Variants in GFOD2 observed in about 807,000 individuals in gnomAD.
GFOD2 encodes the protein glucose-fructose oxidoreductase domain-containing protein 2.
A neutral mutation model predicts 24.6 loss-of-function variants in GFOD2; 9 were observed. The ratio of observed to expected loss-of-function variants is 0.37; its 90% CI spans 0.22 to 0.64. GFOD2 has a LOEUF of 0.64. GFOD2 is among the 30% of genes least tolerant of loss of function. The pLI is 0.65. For missense variants in GFOD2, 476 were observed against 532.5 expected (o/e 0.89, Z 1.04); for synonymous variants, 211 against 224.8 (o/e 0.94, Z 0.55).
intron 1 of GFOD2, among the ~76,000 whole-genome samples, chr16:67,695,695 CT>C (rs2053353614): frequency 6.6e-6 from 1 of 151,884 alleles, no homozygotes; most frequent in African/African-American, 2.4e-5. Context: ...GCCACCATAC[CT>C]GGCTAATTTT....
intron 1 of GFOD2, among the ~76,000 whole-genome samples, chr16:67,689,318 C>T (rs1232585864): frequency 1.3e-5 from 2 of 150,000 alleles, no homozygotes; most frequent in South Asian, 2.2e-4. Flanking sequence ...GGATTACAGG[C>T]GTGAGCCACC....
At chr16:67,681,024 A>G in intron 2 of GFOD2, 3 of 985,460 alleles carry the variant, frequency 3.0e-6, no homozygotes, top group Non-Finnish European at 3.6e-6. Context: ...CCTGACTGCT[A>G]GCACTACTGC....
chr16:67,714,473 C>CAAAAAAAAAAAAAAAAAAAAAATAAAAA, intron 1 of GFOD2, among the ~76,000 whole-genome samples: 1 of 53,674 alleles, frequency 1.9e-5, no homozygotes, highest in Non-Finnish European at 3.9e-5. Context: ...AACACTGTCT[C>CAAAAAAAAAAAAAAAAAAAAAATAAAAA]AAAAAAAAAA....
chr16:67,708,373 A>T (rs1453174708), intron 1 of GFOD2, among the ~76,000 whole-genome samples: 5 of 152,190 alleles, frequency 3.3e-5, no homozygotes, highest in Non-Finnish European at 7.3e-5. Context: ...CTGAGAAAGA[A>T]ACTTCAAGCT....
At chr16:67,718,537 C>T (rs2053522314) in intron 1 of GFOD2, among the ~76,000 whole-genome samples, 1 of 152,140 alleles carries the variant, frequency 6.6e-6, no homozygotes, top group Admixed American at 6.6e-5. Flanking sequence ...ATGGGAAGAC[C>T]TCACTTCACC....
chr16:67,685,716 C>G lies in GFOD2; in HGVS notation c.-1G>C, dbSNP rs2053261791. 2 of 1,608,662 alleles carry G rather than the reference C, an allele frequency of 1.2e-6. No individual in the cohort carries two copies. Among genetic ancestry groups the G allele is most frequent in the Non-Finnish European group, 1.7e-6 (2 of 1,178,300 alleles). ...CGCCCACTCCTGGCAGCATCTTCATCCCAGCCTCTCTCTTTACCAACTCAT... is the reference window on the plus strand; with the variant it reads ...CGCCCACTCCTGGCAGCATCTTCATGCCAGCCTCTCTCTTTACCAACTCAT... On this transcript the variant is annotated 5_prime_UTR_variant, in exon 2 of 3. Coordinates refer to ENST00000268797, the MANE Select transcript of GFOD2 (RefSeq NM_030819.4).
At chr16:67,701,296 A>T (rs2053400878) in intron 1 of GFOD2, among the ~76,000 whole-genome samples, 1 of 152,186 alleles carries the variant, frequency 6.6e-6, no homozygotes, top group South Asian at 2.1e-4. Flanking sequence ...TTCACACAAA[A>T]ACCTATATGT....
At chr16:67,700,720 A>AAAAC (rs554896791) in intron 1 of GFOD2, among the ~76,000 whole-genome samples, 3 of 151,370 alleles carry the variant, frequency 2.0e-5, no homozygotes, top group Non-Finnish European at 1.5e-5. Flanking sequence ...TCAAAAAAAC[A>AAAAC]AAACAAACAA....
At chr16:67,683,944 C>A in intron 2 of GFOD2, 1 of 1,036,098 alleles carries the variant, frequency 9.7e-7, no homozygotes, top group Non-Finnish European at 1.2e-6. Context: ...TGTCATCTAC[C>A]TTGTAATGTG....
At chr16:67,701,682 T>C (rs1364653230) in intron 1 of GFOD2, among the ~76,000 whole-genome samples, 7 of 151,812 alleles carry the variant, frequency 4.6e-5, no homozygotes, top group Admixed American at 1.3e-4. Context: ...GGGTGGCAAT[T>C]ACATGACAGC....
intron 1 of GFOD2, among the ~76,000 whole-genome samples, chr16:67,697,651 A>G (rs765161200): frequency 6.6e-6 from 1 of 152,206 alleles, no homozygotes; most frequent in African/African-American, 2.4e-5. Context: ...ACAAGAAAGA[A>G]AAAGAGTCAT....
At chr16:67,696,399 G>C (rs1268210770) in intron 1 of GFOD2, among the ~76,000 whole-genome samples, 1 of 151,744 alleles carries the variant, frequency 6.6e-6, no homozygotes, top group Non-Finnish European at 1.5e-5. Context: ...GTAGGAATAT[G>C]AGGATGATAA....
At chr16:67,715,215 C>G (rs560287366) in intron 1 of GFOD2, among the ~76,000 whole-genome samples, 1 of 152,250 alleles carries the variant, frequency 6.6e-6, no homozygotes, top group Admixed American at 6.5e-5. Context: ...CCCGCCATCA[C>G]ACCCAGCTAA....
chr16:67,684,438 G>A (rs1021879213), intron 2 of GFOD2: 1 of 151,730 alleles, frequency 6.6e-6, no homozygotes, highest in Non-Finnish European at 1.5e-5. Context: ...GCTCACACCT[G>A]TAATCCCAGC....
At chr16:67,696,509 C>T (rs760398397) in intron 1 of GFOD2, among the ~76,000 whole-genome samples, 24 of 151,618 alleles carry the variant, frequency 1.6e-4, no homozygotes, top group Non-Finnish European at 3.2e-4. Flanking sequence ...AGTCTCGCTC[C>T]GTCACCCAGG....
At chr16:67,718,811 G>C (rs2053524534) in intron 1 of GFOD2, among the ~76,000 whole-genome samples, 1 of 152,194 alleles carries the variant, frequency 6.6e-6, no homozygotes, top group East Asian at 1.9e-4. Context: ...CATCCACAAA[G>C]CGTCCATCCT....
chr16:67,713,374 C>G (rs1037259720), intron 1 of GFOD2, among the ~76,000 whole-genome samples: 10 of 152,182 alleles, frequency 6.6e-5, no homozygotes, highest in African/African-American at 2.4e-4. Flanking sequence ...GCAGTCAACA[C>G]CTGCTGGTGT....
At chr16:67,714,262 T>A (rs1567663337) in intron 1 of GFOD2, among the ~76,000 whole-genome samples, 1 of 148,574 alleles carries the variant, frequency 6.7e-6, no homozygotes, top group Non-Finnish European at 1.5e-5. Context: ...AGCCGATCAC[T>A]GAGGCCAGGA....
At chr16:67,696,664 G>A (rs1432839603) in intron 1 of GFOD2, among the ~76,000 whole-genome samples, 1 of 151,662 alleles carries the variant, frequency 6.6e-6, no homozygotes, top group Non-Finnish European at 1.5e-5. Flanking sequence ...CAGTAGAGAC[G>A]GGGTTTCACC....
Sources: gnomAD v4.1 joint callset for allele counts (sites outside exome capture counted in the v4.1 genomes callset) on GRCh38, gnomAD v4.1.1 for gene constraint, MANE v1.5 for transcripts, NCBI Gene and HGNC (gene_info 2026-07-23, HGNC 2026-07-21) for gene names.